SORCS3: variants seen among roughly 807,000 people sequenced by gnomAD.
The protein encoded by SORCS3 is VPS10 domain-containing receptor SorCS3.
SORCS3 carries 57 observed loss-of-function variants against 146.3 expected under a neutral mutation model. The observed-to-expected ratio is 0.39, with a 90% CI of 0.31 to 0.49. The LOEUF (loss-of-function observed/expected upper bound fraction) is 0.49, where lower values mean the gene tolerates loss of function less well. Ranked by LOEUF, SORCS3 falls within the 20% of genes least tolerant of loss-of-function variation. The probability of loss-of-function intolerance (pLI) is 0.92; values close to 1 mark genes in which losing one functional copy is unlikely to be tolerated. For missense variants in SORCS3, 1,341 were observed against 1,575.5 expected, an observed-to-expected ratio of 0.85 and a Z score of 2.52; for synonymous variants, 653 against 618.5, an observed-to-expected ratio of 1.06 and a Z score of -0.83.
intron 26 of SORCS3, 123 bp downstream of exon 26, chr10:105,262,614 A>G (rs1282433849): frequency 9.8e-7 from 1 of 1,023,592 alleles, no homozygotes; most frequent in African/African-American, 1.6e-5. Flanking sequence ...ACAGTGACAG[A>G]ATCATGTTTT....
intron 13 of SORCS3, among the ~76,000 whole-genome samples, chr10:105,168,026 G>A (rs925886037): frequency 6.6e-6 from 1 of 152,086 alleles, no homozygotes; most frequent in Non-Finnish European, 1.5e-5. Flanking sequence ...GAAGAAAGGG[G>A]TGATTAATAG....
At chr10:105,040,314 G>A (rs2055331011) in intron 4 of SORCS3, among the ~76,000 whole-genome samples, 1 of 152,100 alleles carries the variant, frequency 6.6e-6, no homozygotes, top group African/African-American at 2.4e-5. Flanking sequence ...GGGATAGAAG[G>A]AGAGACAGGC....
chr10:105,211,076 C>T, intron 16 of SORCS3, 61 bp from the exon 17 acceptor site: 1 of 1,137,076 alleles, frequency 8.8e-7, no homozygotes, highest in African/African-American at 1.6e-5. Context: ...TTTGTGTGTG[C>T]CTGCGGTTAT....
At chr10:104,950,319 G>C (rs940995418) in intron 3 of SORCS3, among the ~76,000 whole-genome samples, 1 of 152,208 alleles carries the variant, frequency 6.6e-6, no homozygotes, top group Admixed American at 6.5e-5. Flanking sequence ...GGTTAGAAAG[G>C]TTGGATGCTA....
chr10:104,762,706 A>T (rs1206295299), intron 1 of SORCS3, among the ~76,000 whole-genome samples: 2 of 152,096 alleles, frequency 1.3e-5, no homozygotes, highest in Non-Finnish European at 2.9e-5. Flanking sequence ...GATGGTTTTA[A>T]AAGTGTGGCA....
intron 5 of SORCS3, among the ~76,000 whole-genome samples, chr10:105,064,849 G>T (rs1022283754): frequency 1.3e-5 from 2 of 152,230 alleles, no homozygotes; most frequent in Non-Finnish European, 1.5e-5. Context: ...CAGTCCACTG[G>T]CTCACACGCC....
At chr10:104,825,391 C>G (rs2017923774) in intron 1 of SORCS3, among the ~76,000 whole-genome samples, 1 of 152,200 alleles carries the variant, frequency 6.6e-6, no homozygotes, top group African/African-American at 2.4e-5. Context: ...ACCCTGGATT[C>G]TACACTAAAA....
intron 7 of SORCS3, among the ~76,000 whole-genome samples, chr10:105,114,455 C>T (rs1007277567): frequency 1.3e-5 from 2 of 152,126 alleles, no homozygotes; most frequent in South Asian, 2.1e-4. Context: ...ACTTTTCCCT[C>T]GCTGTTTTAA....
intron 20 of SORCS3, among the ~76,000 whole-genome samples, chr10:105,229,883 G>T (rs2056757060): frequency 6.6e-6 from 1 of 152,146 alleles, no homozygotes; most frequent in South Asian, 2.1e-4. Context: ...TGGGTGAGTG[G>T]GTTCTGTGCC....
chr10:104,866,440 A>C (rs1271666474), intron 2 of SORCS3, among the ~76,000 whole-genome samples: 1 of 152,144 alleles, frequency 6.6e-6, no homozygotes, highest in African/African-American at 2.4e-5. Context: ...TATTATGTTT[A>C]TACTTTGAGT....
chr10:104,990,595 C>T (rs1189217897), intron 4 of SORCS3, among the ~76,000 whole-genome samples: 7 of 152,146 alleles, frequency 4.6e-5, no homozygotes, highest in Admixed American at 4.6e-4. Context: ...ACTCCCCAGG[C>T]TGTCCACCTG....
At chr10:104,998,305 G>A (rs930781192) in intron 4 of SORCS3, among the ~76,000 whole-genome samples, 1 of 151,964 alleles carries the variant, frequency 6.6e-6, no homozygotes, top group Admixed American at 6.5e-5. Flanking sequence ...CTCTCAACCT[G>A]CCTCATTTTC....
intron 14 of SORCS3, among the ~76,000 whole-genome samples, chr10:105,187,304 T>G (rs571197673): frequency 6.6e-6 from 1 of 152,290 alleles, no homozygotes; most frequent in South Asian, 2.1e-4. Context: ...ACTAACAGTC[T>G]CCACTTACAG....
chr10:104,717,631 T>C (rs1030322213), intron 1 of SORCS3, among the ~76,000 whole-genome samples: 1 of 152,166 alleles, frequency 6.6e-6, no homozygotes, highest in African/African-American at 2.4e-5. Flanking sequence ...GTAGGAGACC[T>C]CTGAGGGCAC....
chr10:104,917,452 C>G (rs1421540549), intron 3 of SORCS3, among the ~76,000 whole-genome samples: 1 of 152,086 alleles, frequency 6.6e-6, no homozygotes, highest in South Asian at 2.1e-4. Context: ...TTAAATCTAG[C>G]TAATTAACAA....
At chr10:104,776,256 G>A (rs1317496762) in intron 1 of SORCS3, among the ~76,000 whole-genome samples, 1 of 152,114 alleles carries the variant, frequency 6.6e-6, no homozygotes, top group Non-Finnish European at 1.5e-5. Context: ...TTTTCTGGAA[G>A]AAGCAAGCTC....
intron 4 of SORCS3, among the ~76,000 whole-genome samples, chr10:104,988,017 G>C (rs2054972378): frequency 6.6e-6 from 1 of 152,170 alleles, no homozygotes; most frequent in Non-Finnish European, 1.5e-5. Flanking sequence ...CTTCCCATGT[G>C]TGGCACTGAC....
rs41317264 is a variant in SORCS3, at chr10:104,842,779, C to T, written c.628-13C>T. 0.13 allele frequency: 205,528 copies of T among 1,609,508 alleles called. 14,866 individuals are homozygous for T. Among genetic ancestry groups the T allele is most frequent in the South Asian group, 0.26 (23,277 of 90,902 alleles). ...TGTTCCTCTCCTTTGCCCTTATCCCCAACCCCTTGCAGGTCATACTTATCC... is the reference window on the plus strand; with the variant it reads ...TGTTCCTCTCCTTTGCCCTTATCCCTAACCCCTTGCAGGTCATACTTATCC... On this transcript the variant is annotated splice_polypyrimidine_tract_variant and intron_variant, in intron 1 of 26. Transcript: ENST00000369701.
At chr10:104,930,715 T>G (rs1458546929) in intron 3 of SORCS3, among the ~76,000 whole-genome samples, 1 of 152,222 alleles carries the variant, frequency 6.6e-6, no homozygotes, top group Non-Finnish European at 1.5e-5. Flanking sequence ...GCTGGGTTGC[T>G]GAGGGCCTCT....
Sources: gnomAD v4.1 joint callset for allele counts (sites outside exome capture counted in the v4.1 genomes callset) on GRCh38, gnomAD v4.1.1 for gene constraint, MANE v1.5 for transcripts, NCBI Gene and HGNC (gene_info 2026-07-23, HGNC 2026-07-21) for gene names.